RORB: variants seen among roughly 807,000 people sequenced by gnomAD.
RORB encodes RAR related orphan receptor B.
Under a neutral mutation model 59.1 loss-of-function variants are expected in RORB, and 6 were observed. The ratio of observed to expected loss-of-function variants is 0.10; its 90% confidence interval spans 0.06 to 0.20. The LOEUF (loss-of-function observed/expected upper bound fraction) is 0.20. Ranked by LOEUF, RORB falls within the 10% of genes least tolerant of loss-of-function variation. The pLI, the probability that RORB is intolerant of heterozygous loss-of-function variation, is 1.00. For missense variants in RORB, 320 were observed against 560.5 expected (o/e 0.57, Z 4.33); for synonymous variants, 215 against 204.5 (o/e 1.05, Z -0.44).
intron 1 of RORB, among the ~76,000 whole-genome samples, chr9:74,628,198 G>T (rs1181338977): frequency 6.6e-6 from 1 of 151,998 alleles, no homozygotes; most frequent in Non-Finnish European, 1.5e-5. Flanking sequence ...ACAAAATCTT[G>T]AAAACAAATA....
intron 4 of RORB, among the ~76,000 whole-genome samples, chr9:74,649,136 G>A (rs1169492301): frequency 6.6e-6 from 1 of 151,984 alleles, no homozygotes; most frequent in African/African-American, 2.4e-5. Context: ...TTTTAGTAGA[G>A]ACAGGGTTTC....
intron 1 of RORB, among the ~76,000 whole-genome samples, chr9:74,592,546 A>G (rs748310507): frequency 8.5e-5 from 13 of 152,168 alleles, no homozygotes; most frequent in Non-Finnish European, 1.9e-4. Context: ...TCAGAGAGAA[A>G]AACAAGTACT....
chr9:74,552,608 G>A (rs1826629204), intron 1 of RORB, among the ~76,000 whole-genome samples: 2 of 151,934 alleles, frequency 1.3e-5, no homozygotes, highest in East Asian at 3.9e-4. Flanking sequence ...TTTCTATACT[G>A]AGCAAAAGGG....
At chr9:74,662,427 C>G (rs1181097708) in intron 5 of RORB, 47 bp from the exon 6 acceptor site, 3 of 1,602,774 alleles carry the variant, frequency 1.9e-6, no homozygotes, top group Non-Finnish European at 2.6e-6. Flanking sequence ...TGTTGACTCT[C>G]CGTAAGTCGT....
intron 1 of RORB, among the ~76,000 whole-genome samples, chr9:74,615,372 C>G (rs1459760991): frequency 6.6e-6 from 1 of 152,136 alleles, no homozygotes; most frequent in Admixed American, 6.6e-5. Flanking sequence ...GAATAAGTAG[C>G]ATCAAAAAGA....
intron 1 of RORB, among the ~76,000 whole-genome samples, chr9:74,553,064 G>A (rs770074769): frequency 2.6e-5 from 4 of 152,212 alleles, no homozygotes; most frequent in East Asian, 3.9e-4. Flanking sequence ...GGATGCGTTC[G>A]GAGAGGGGAA....
At chr9:74,679,031 CA>C (rs34377456) in intron 9 of RORB, among the ~76,000 whole-genome samples, 52,406 of 104,884 alleles carry the variant, frequency 0.5, 10,175 homozygotes, top group East Asian at 0.67. Context: ...GACTCTGTCT[CA>C]AAAAAAAAAA....
At chr9:74,581,005 A>T (rs1430675404) in intron 1 of RORB, among the ~76,000 whole-genome samples, 1 of 152,142 alleles carries the variant, frequency 6.6e-6, no homozygotes, top group African/African-American at 2.4e-5. Context: ...TCAGATGGGG[A>T]TGCAGTCCAA....
chr9:74,604,376 C>A (rs1345951506), intron 1 of RORB, among the ~76,000 whole-genome samples: 3 of 152,182 alleles, frequency 2.0e-5, no homozygotes, highest in African/African-American at 4.8e-5. Context: ...CATCACCCAT[C>A]AACTGCCTTT....
At chr9:74,629,212 C>G (rs1188864694) in intron 1 of RORB, among the ~76,000 whole-genome samples, 2 of 151,436 alleles carry the variant, frequency 1.3e-5, no homozygotes, top group Non-Finnish European at 2.9e-5. Context: ...TCTCCTAACA[C>G]CCAAGTTGGA....
At chr9:74,634,826 C>T (rs1823675991) in intron 3 of RORB, 54 bp downstream of exon 3, 1 of 1,521,356 alleles carries the variant, frequency 6.6e-7, no homozygotes, top group Admixed American at 2.0e-5. Context: ...GGATGCTTTG[C>T]TGGAGTCTAT....
intron 1 of RORB, among the ~76,000 whole-genome samples, chr9:74,532,075 G>A (rs1314179325): frequency 6.6e-6 from 1 of 151,946 alleles, no homozygotes; most frequent in Non-Finnish European, 1.5e-5. Context: ...GGAATCATTT[G>A]CAATCAGAAA....
At chr9:74,595,832 G>T (rs996584539) in intron 1 of RORB, among the ~76,000 whole-genome samples, 1 of 152,092 alleles carries the variant, frequency 6.6e-6, no homozygotes, top group Non-Finnish European at 1.5e-5. Context: ...TTGGGGTCAC[G>T]TTTACTCTAT....
At chr9:74,526,678 C>A (rs1826160764) in intron 1 of RORB, among the ~76,000 whole-genome samples, 1 of 151,918 alleles carries the variant, frequency 6.6e-6, no homozygotes, top group African/African-American at 2.4e-5. Flanking sequence ...TGTGATATTG[C>A]TGCAGTGGTA....
At chr9:74,562,941 G>T (rs1365001233) in intron 1 of RORB, among the ~76,000 whole-genome samples, 4 of 151,968 alleles carry the variant, frequency 2.6e-5, no homozygotes, top group Admixed American at 6.6e-5. Context: ...GTGGAAACAT[G>T]TTCTTTTACT....
intron 1 of RORB, among the ~76,000 whole-genome samples, chr9:74,571,509 A>T (rs1412345180): frequency 6.6e-6 from 1 of 152,156 alleles, no homozygotes; most frequent in Non-Finnish European, 1.5e-5. Flanking sequence ...TTACTTGAAA[A>T]AGTTATCGTT....
At chr9:74,593,690 A>AAT (rs1822933689) in intron 1 of RORB, among the ~76,000 whole-genome samples, 1 of 152,146 alleles carries the variant, frequency 6.6e-6, no homozygotes, top group Admixed American at 6.5e-5. Context: ...AATTGGAGTC[A>AAT]ATGGAAAAGA....
chr9:74,588,803 G>C (rs941429426), intron 1 of RORB, among the ~76,000 whole-genome samples: 1 of 152,164 alleles, frequency 6.6e-6, no homozygotes, highest in Non-Finnish European at 1.5e-5. Context: ...TGGGTACAAA[G>C]TGATTCAAAG....
At chr9:74,632,448 A>T (rs1823635663) in intron 2 of RORB, among the ~76,000 whole-genome samples, 1 of 152,160 alleles carries the variant, frequency 6.6e-6, no homozygotes, top group Admixed American at 6.5e-5. Context: ...TTCAGTATCA[A>T]CCTCTGAGTT....
Sources: gnomAD v4.1 joint callset for allele counts (sites outside exome capture counted in the v4.1 genomes callset) on GRCh38, gnomAD v4.1.1 for gene constraint, MANE v1.5 for transcripts, NCBI Gene and HGNC (gene_info 2026-07-23, HGNC 2026-07-21) for gene names.